The following RIMS2 variants were observed in gnomAD, a reference collection of about 807,000 sequenced individuals.
RIMS2 encodes regulating synaptic membrane exocytosis protein 2.
A neutral mutation model predicts 174.4 loss-of-function variants in RIMS2; 59 were observed. The ratio of observed to expected loss-of-function variants is 0.34; its 90% CI spans 0.27 to 0.42. RIMS2 has a LOEUF of 0.42. Among genes scored for constraint, RIMS2 ranks in the 10% least tolerant of loss-of-function variants. RIMS2 has a pLI of 1.00. For missense variants in RIMS2, 1,620 were observed against 1,666.3 expected, an observed-to-expected ratio of 0.97 and a Z score of 0.48; for synonymous variants, 606 against 572.5, an observed-to-expected ratio of 1.06 and a Z score of -0.84.
chr8:103,675,648 C>T (rs2096799426), intron 1 of RIMS2, among the ~76,000 whole-genome samples: 1 of 152,104 alleles, frequency 6.6e-6, no homozygotes, highest in African/African-American at 2.4e-5. Context: ...CCTATCTGAC[C>T]AGTACACCCA....
chr8:104,149,614 G>A (rs1010976200), intron 19 of RIMS2, among the ~76,000 whole-genome samples: 3 of 152,118 alleles, frequency 2.0e-5, no homozygotes, highest in African/African-American at 4.8e-5. Flanking sequence ...GGAAATAATA[G>A]CATATCTTCT....
chr8:103,681,782 A>G (rs767907132), intron 1 of RIMS2, among the ~76,000 whole-genome samples: 1 of 152,008 alleles, frequency 6.6e-6, no homozygotes, highest in African/African-American at 2.4e-5. Context: ...TTTTAAGTAG[A>G]GATAATTTTT....
intron 1 of RIMS2, among the ~76,000 whole-genome samples, chr8:103,503,015 A>G (rs1008577076): frequency 6.6e-5 from 10 of 152,120 alleles, no homozygotes; most frequent in African/African-American, 1.9e-4. Flanking sequence ...ATACTATTCA[A>G]TACATATAAT....
At chr8:103,630,391 C>G (rs750771472) in intron 1 of RIMS2, among the ~76,000 whole-genome samples, 20 of 151,862 alleles carry the variant, frequency 1.3e-4, no homozygotes, top group Non-Finnish European at 1.0e-4. Flanking sequence ...GCAAAGCATT[C>G]TCAGATGAAG....
chr8:103,992,274 ATTTTTTTTTTTT>A (rs1186537194), intron 17 of RIMS2, among the ~76,000 whole-genome samples: 1 of 107,106 alleles, frequency 9.3e-6, no homozygotes, highest in Admixed American at 1.1e-4. Flanking sequence ...ATGTCCAGCT[ATTTTTTTTTTTT>A]TTTTTTTTTT....
At chr8:103,644,922 G>A (rs1400865659) in intron 1 of RIMS2, among the ~76,000 whole-genome samples, 1 of 151,856 alleles carries the variant, frequency 6.6e-6, no homozygotes, top group Admixed American at 6.6e-5. Flanking sequence ...ATGATTTCTT[G>A]CAGATTCTCA....
chr8:103,603,367 T>C (rs1016206642), intron 1 of RIMS2, among the ~76,000 whole-genome samples: 12 of 151,324 alleles, frequency 7.9e-5, no homozygotes, highest in African/African-American at 2.7e-4. Flanking sequence ...ATGGTGTATA[T>C]GTGCCACATT....
chr8:103,658,483 G>A (rs1007387722), intron 1 of RIMS2, among the ~76,000 whole-genome samples: 2 of 152,186 alleles, frequency 1.3e-5, no homozygotes, highest in Non-Finnish European at 2.9e-5. Flanking sequence ...TCTGTTCTTG[G>A]GTGGAAGCTG....
At chr8:103,694,782 T>A (rs28857239) in intron 1 of RIMS2, among the ~76,000 whole-genome samples, 26,767 of 152,114 alleles carry the variant, frequency 0.18, 2,559 homozygotes, top group African/African-American at 0.23. Flanking sequence ...GGCCTGATAC[T>A]GGGTTGTGCC....
At chr8:103,959,990 A>G (rs142360931) in intron 14 of RIMS2, among the ~76,000 whole-genome samples, 19,284 of 152,144 alleles carry the variant, frequency 0.13, 1,690 homozygotes, top group Non-Finnish European at 0.19. Flanking sequence ...AGAAGGCAAG[A>G]AATAGCTAAG....
At chr8:104,173,491 A>C (rs963545533) in intron 19 of RIMS2, among the ~76,000 whole-genome samples, 19 of 151,808 alleles carry the variant, frequency 1.3e-4, no homozygotes, top group African/African-American at 4.6e-4. Context: ...GTAATCTTTA[A>C]TTTTTTTACT....
At chr8:103,563,882 A>C (rs2091977529) in intron 1 of RIMS2, among the ~76,000 whole-genome samples, 1 of 152,168 alleles carries the variant, frequency 6.6e-6, no homozygotes, top group South Asian at 2.1e-4. Context: ...GAGCATGTAC[A>C]GGGGAAACTC....
intron 2 of RIMS2, among the ~76,000 whole-genome samples, chr8:103,731,020 G>A (rs2097585661): frequency 6.6e-6 from 1 of 152,138 alleles, no homozygotes; most frequent in Admixed American, 6.6e-5. Context: ...AGTCAAGAGA[G>A]AGCTTGTGCA....
At chr8:104,035,718 T>C (rs2096498363) in intron 19 of RIMS2, among the ~76,000 whole-genome samples, 1 of 152,182 alleles carries the variant, frequency 6.6e-6, no homozygotes, top group Non-Finnish European at 1.5e-5. Context: ...TCTAAAGCAG[T>C]ATTCCACATC....
At chr8:104,089,099 C>T (rs182518789) in intron 19 of RIMS2, among the ~76,000 whole-genome samples, 4 of 151,970 alleles carry the variant, frequency 2.6e-5, no homozygotes, top group Admixed American at 1.3e-4. Flanking sequence ...GATCTTTAAT[C>T]GGAGCACAGT....
chr8:103,624,726 A>G (rs2095737295), intron 1 of RIMS2, among the ~76,000 whole-genome samples: 1 of 152,180 alleles, frequency 6.6e-6, no homozygotes, highest in Non-Finnish European at 1.5e-5. Context: ...TATTCTAAGT[A>G]TTTACAAATA....
At chr8:103,717,706 ATT>A in intron 2 of RIMS2, among the ~76,000 whole-genome samples, 2 of 152,238 alleles carry the variant, frequency 1.3e-5, no homozygotes, top group African/African-American at 4.8e-5. Flanking sequence ...CAAACTAAAT[ATT>A]GACTACAAGA....
At chr8:103,832,178 A>G (rs2098829887) in intron 3 of RIMS2, among the ~76,000 whole-genome samples, 1 of 152,176 alleles carries the variant, frequency 6.6e-6, no homozygotes, top group African/African-American at 2.4e-5. Flanking sequence ...TGTATCTTTT[A>G]TCACTTTAAG....
intron 1 of RIMS2, among the ~76,000 whole-genome samples, chr8:103,603,352 A>G (rs2094861462): frequency 6.6e-6 from 1 of 151,460 alleles, no homozygotes; most frequent in Admixed American, 6.6e-5. Flanking sequence ...GCTGCATAGT[A>G]TTCCATGGTG....
Sources: allele counts gnomAD v4.1 joint callset (sites outside exome capture counted in the v4.1 genomes callset), GRCh38; gene constraint gnomAD v4.1.1; transcripts MANE v1.5; gene names NCBI Gene and HGNC (gene_info 2026-07-23, HGNC 2026-07-21).